KCNH5: variants seen among roughly 807,000 people sequenced by gnomAD.
The protein encoded by KCNH5 is voltage-gated delayed rectifier potassium channel KCNH5.
KCNH5 carries 46 observed loss-of-function variants against 96.1 expected under a neutral mutation model. That is an observed-to-expected ratio of 0.48 (90% CI 0.38 to 0.61). KCNH5 has a LOEUF of 0.61. Ranked by LOEUF, KCNH5 falls within the 20% of genes least tolerant of loss-of-function variation. The pLI is 0.00. For missense variants in KCNH5, 907 were observed against 1,225.8 expected, an observed-to-expected ratio of 0.74 and a Z score of 3.88; for synonymous variants, 439 against 449.8, an observed-to-expected ratio of 0.98 and a Z score of 0.30.
chr14:62,702,173 A>C lies in KCNH5; in HGVS notation c.*5335T>G, dbSNP rs1884358060. 6.6e-6 allele frequency: 1 copy of C among 152,084 alleles called. No homozygotes were observed. The highest frequency in any genetic ancestry group is 6.6e-5 in the Admixed American group (1 of 15,254). 9.4% of individuals were successfully genotyped at this position (152,084 alleles called of 1,614,324 possible). ...AGTGACCATATATCAAACATACCAC[A>C]TTTGACAGTTTACTTTGGCCGATGT... is the stretch of plus-strand genomic sequence containing the variant. On this transcript the variant is annotated 3_prime_UTR_variant, in exon 11 of 11. Coordinates refer to ENST00000322893, the MANE Select transcript of KCNH5 (RefSeq NM_139318.5).
intron 6 of KCNH5, among the ~76,000 whole-genome samples, chr14:62,961,019 ATCCACTGGG>A (rs895841400): frequency 6.6e-6 from 1 of 152,160 alleles, no homozygotes; most frequent in Non-Finnish European, 1.5e-5. Flanking sequence ...TCATTTTCAT[ATCCACTGGG>A]TCCACAGTGA....
intron 1 of KCNH5, among the ~76,000 whole-genome samples, chr14:63,042,611 G>A (rs1007331229): frequency 1.3e-5 from 2 of 152,104 alleles, no homozygotes; most frequent in African/African-American, 4.8e-5. Context: ...TGTTAAGTTA[G>A]TGAATAATGA....
chr14:62,708,582 C>A (rs1884495910), intron 10 of KCNH5, 127 bp from the exon 11 acceptor site: 2 of 568,352 alleles, frequency 3.5e-6, no homozygotes, highest in Non-Finnish European at 5.7e-6. Flanking sequence ...GATTATTTCT[C>A]AAGAAAAAAA....
At position 62,996,244 on chromosome 14, in the gene KCNH5, A is replaced by G. The variant is rs113006091; in HGVS notation, c.433+5087T>C. 5.3e-3 allele frequency among the ~76,000 whole-genome samples: 807 copies of G among 152,284 alleles called. 7 individuals carry two copies. Among genetic ancestry groups the G allele is most frequent in the African/African-American group, 0.019 (772 of 41,562 alleles). ...ATATTTTATTTCTATTGAATTTTTCATGTTAAATGTACAGTTCACATGAAT... is the reference window on the plus strand; with the variant it reads ...ATATTTTATTTCTATTGAATTTTTCGTGTTAAATGTACAGTTCACATGAAT... On this transcript the variant is annotated intron_variant, in intron 4 of 10. Transcript: ENST00000322893.
intron 1 of KCNH5, among the ~76,000 whole-genome samples, chr14:63,043,139 T>A (rs1271482125): frequency 1.3e-5 from 2 of 152,132 alleles, no homozygotes; most frequent in African/African-American, 4.8e-5. Flanking sequence ...CTAAGGTAAA[T>A]CTTTATTTCA....
chr14:62,981,735 G>A (rs1166361095), intron 5 of KCNH5, among the ~76,000 whole-genome samples: 2 of 152,208 alleles, frequency 1.3e-5, no homozygotes, highest in East Asian at 3.9e-4. Context: ...TACTCAGCAA[G>A]GGCCCTGATG....
At chr14:62,947,018 T>C (rs556477504) in intron 7 of KCNH5, among the ~76,000 whole-genome samples, 15 of 152,250 alleles carry the variant, frequency 9.9e-5, no homozygotes, top group African/African-American at 3.1e-4. Flanking sequence ...AACCTGCACA[T>C]GTGATAAAAC....
At chr14:62,947,709 G>A (rs1048270349) in intron 7 of KCNH5, among the ~76,000 whole-genome samples, 1 of 145,706 alleles carries the variant, frequency 6.9e-6, no homozygotes, top group Non-Finnish European at 1.5e-5. Flanking sequence ...AGAAAGGACA[G>A]CTTAGACACA....
At chr14:62,917,460 T>C (rs974741198) in intron 7 of KCNH5, among the ~76,000 whole-genome samples, 2 of 151,822 alleles carry the variant, frequency 1.3e-5, no homozygotes, top group Non-Finnish European at 2.9e-5. Flanking sequence ...GAAATCCATA[T>C]ACCTCTTTAT....
rs1055861941 is a variant in KCNH5, at chr14:62,706,999, A to G, written c.*509T>C. On this transcript the variant is annotated 3_prime_UTR_variant, in exon 11 of 11. Transcript: ENST00000322893. ...TTTAAATGGAGCAAACACTGCCTGT[A>G]GGGGAAAAGAACCTAACACTAAGTT... 1 of 152,250 alleles carries G rather than the reference A, an allele frequency of 6.6e-6. No individual in the cohort carries two copies. The allele number at this position is 152,250 out of a possible 1,614,324, so 9.4% of individuals were successfully genotyped here.
At chr14:63,031,530 T>A (rs1891626739) in intron 1 of KCNH5, among the ~76,000 whole-genome samples, 1 of 152,118 alleles carries the variant, frequency 6.6e-6, no homozygotes, top group Non-Finnish European at 1.5e-5. Context: ...TTTTGTTTTG[T>A]TTTTATGAAA....
intron 7 of KCNH5, among the ~76,000 whole-genome samples, chr14:62,931,434 C>T (rs1264428538): frequency 6.6e-6 from 1 of 152,082 alleles, no homozygotes; most frequent in African/African-American, 2.4e-5. Flanking sequence ...ATGTATATAC[C>T]TCTGTTTCCT....
chr14:62,821,591 G>C (rs1887114759), intron 8 of KCNH5, among the ~76,000 whole-genome samples: 1 of 152,030 alleles, frequency 6.6e-6, no homozygotes, highest in African/African-American at 2.4e-5. Context: ...TTGAATTTTA[G>C]TTTATGTATT....
chr14:62,809,614 T>C (rs1886835006), intron 8 of KCNH5, among the ~76,000 whole-genome samples: 1 of 152,122 alleles, frequency 6.6e-6, no homozygotes. Flanking sequence ...TGAGATTCCT[T>C]ATGAAACAGA....
intron 10 of KCNH5, among the ~76,000 whole-genome samples, chr14:62,740,653 A>T (rs1384668808): frequency 1.3e-5 from 2 of 152,190 alleles, no homozygotes; most frequent in Non-Finnish European, 2.9e-5. Flanking sequence ...TATTAAGCTT[A>T]TCTTTCCATT....
At chr14:62,710,459 T>G (rs1361509030) in intron 10 of KCNH5, among the ~76,000 whole-genome samples, 1 of 152,218 alleles carries the variant, frequency 6.6e-6, no homozygotes, top group Non-Finnish European at 1.5e-5. Flanking sequence ...GTACTAAGTC[T>G]TCAAGATATG....
chr14:62,786,737 A>G (rs1399167550), intron 9 of KCNH5, among the ~76,000 whole-genome samples: 1 of 152,140 alleles, frequency 6.6e-6, no homozygotes, highest in Non-Finnish European at 1.5e-5. Flanking sequence ...CATTTTGGTA[A>G]TTCTCACAGT....
In KCNH5 at chr14:62,926,443, C is replaced by T. The variant is rs142724404; in HGVS notation, c.1369+23690G>A. Among the ~76,000 whole-genome samples, 4 of 152,200 alleles carry T rather than the reference C, an allele frequency of 2.6e-5. No individual in the cohort carries two copies. The East Asian group carries it at 7.7e-4, about 29-fold the overall frequency. On this transcript the variant is annotated intron_variant, in intron 7 of 10. Coordinates refer to ENST00000322893, the MANE Select transcript of KCNH5 (RefSeq NM_139318.5). ...GCACACACACACATGCACACGCATA[C>T]ATAAAATGCTAAGGACAACAAAAAG...
intron 7 of KCNH5, among the ~76,000 whole-genome samples, chr14:62,869,898 A>C (rs1327630843): frequency 6.6e-6 from 1 of 152,218 alleles, no homozygotes; most frequent in Non-Finnish European, 1.5e-5. Context: ...AGCCATATGC[A>C]GAAAACTGAA....
Sources: gnomAD v4.1 joint callset for allele counts (sites outside exome capture counted in the v4.1 genomes callset) on GRCh38, gnomAD v4.1.1 for gene constraint, MANE v1.5 for transcripts, NCBI Gene and HGNC (gene_info 2026-07-23, HGNC 2026-07-21) for gene names.